Variants in MEGF10 observed in about 807,000 individuals in gnomAD.
The protein encoded by MEGF10 is multiple EGF like domains 10, also known as multiple epidermal growth factor-like domains protein 10.
A neutral mutation model predicts 147.5 loss-of-function variants in MEGF10; 86 were observed. The ratio of observed to expected loss-of-function variants is 0.58; its 90% CI spans 0.49 to 0.70. MEGF10 has a LOEUF of 0.70. MEGF10 is among the 30% of genes least tolerant of loss of function. The pLI is 0.00. For synonymous variants in MEGF10, 478 were observed against 525.5 expected, an observed-to-expected ratio of 0.91 and a Z score of 1.24; for missense variants, 1,329 against 1,487.3, an observed-to-expected ratio of 0.89 and a Z score of 1.75.
chr5:127,283,308 G>A, the MEGF10 span, among the ~76,000 whole-genome samples: 2 of 152,150 alleles, frequency 1.3e-5, no homozygotes, highest in South Asian at 2.1e-4. Context: ...ATTCCAAATT[G>A]TAATAGATGT....
chr5:127,371,932 T>C (rs1341715749), intron 5 of MEGF10, among the ~76,000 whole-genome samples: 1 of 152,214 alleles, frequency 6.6e-6, no homozygotes, highest in Admixed American at 6.5e-5. Flanking sequence ...AAAACATCTT[T>C]GATACCTTTT....
At chr5:127,359,059 T>G (rs1040315671) in intron 4 of MEGF10, among the ~76,000 whole-genome samples, 3 of 120,392 alleles carry the variant, frequency 2.5e-5, no homozygotes, top group African/African-American at 3.9e-5. Context: ...AGCTGTTTTG[T>G]TTTTTTTTTT....
At chr5:127,450,234 A>T (rs892927037) in intron 22 of MEGF10, among the ~76,000 whole-genome samples, 4 of 152,250 alleles carry the variant, frequency 2.6e-5, no homozygotes, top group Admixed American at 6.5e-5. Flanking sequence ...ATAGTTTTGC[A>T]GCTGGGCACA....
chr5:127,452,935 G>A (rs1766211409), intron 22 of MEGF10, among the ~76,000 whole-genome samples: 1 of 152,164 alleles, frequency 6.6e-6, no homozygotes, highest in African/African-American at 2.4e-5. Flanking sequence ...AAGAGAGTGT[G>A]CCTGAGAGAG....
At chr5:127,240,314 A>G in the MEGF10 span, among the ~76,000 whole-genome samples, 17 of 152,180 alleles carry the variant, frequency 1.1e-4, no homozygotes, top group Middle Eastern at 3.2e-3. Context: ...TAGCAGGTCC[A>G]TTTCTCTGGT....
rs1170869878 is a variant in MEGF10, at chr5:127,346,424, A to G, written c.319+5794A>G. 2.0e-5 allele frequency among the ~76,000 whole-genome samples: 3 copies of G among 152,226 alleles called. No individual in the cohort carries two copies. In the East Asian group the frequency reaches 5.8e-4, roughly 29 times the overall value. On this transcript the variant is annotated intron_variant, in intron 4 of 24. Transcript: ENST00000503335. The stretch of plus-strand genomic sequence containing the variant: ...TCTTGCAGGAGTAAGGCGGTATCAT[A>G]TTATGGTTTTGATTTGCATTTCCCT...
chr5:127,396,483 T>G (rs746416244), intron 5 of MEGF10, 49 bp from the exon 6 acceptor site: 4 of 1,477,064 alleles, frequency 2.7e-6, no homozygotes, highest in Non-Finnish European at 3.6e-6. Context: ...CGAAGAAATC[T>G]GGTTCTCCCT....
intron 1 of MEGF10, among the ~76,000 whole-genome samples, chr5:127,312,249 C>T (rs1422316): frequency 0.54 from 81,508 of 151,916 alleles, 23,074 homozygotes; most frequent in Middle Eastern, 0.65. Context: ...AAAGTGCCTT[C>T]GGCTGGCACA....
chr5:127,261,581 T>C, the MEGF10 span, among the ~76,000 whole-genome samples: 2 of 152,216 alleles, frequency 1.3e-5, no homozygotes, highest in Admixed American at 6.5e-5. Context: ...ACCATTTGTG[T>C]ACAAGGTTTT....
chr5:127,312,869 A>G (rs1206881202), intron 1 of MEGF10, among the ~76,000 whole-genome samples: 1 of 152,208 alleles, frequency 6.6e-6, no homozygotes, highest in East Asian at 1.9e-4. Context: ...AAACCATGGT[A>G]AATTACCATA....
the MEGF10 span, among the ~76,000 whole-genome samples, chr5:127,232,310 A>G: frequency 6.6e-6 from 1 of 152,230 alleles, no homozygotes; most frequent in Non-Finnish European, 1.5e-5. Flanking sequence ...CTTTCTCTCC[A>G]ACGAAATTAT....
rs141435716 is a variant in MEGF10 at position 127,422,414 on chromosome 5, G to A, written c.1591-256G>A. ...CAGGTGCCTATAGTCCCAGCTACTC[G>A]GGAGGCTGAGAATTCCTTCAACCCG... is the stretch of plus-strand genomic sequence containing the variant. On this transcript the variant is annotated intron_variant, in intron 12 of 24. Coordinates refer to ENST00000503335, the MANE Select transcript of MEGF10 (RefSeq NM_001256545.2). Among the ~76,000 whole-genome samples the A allele has an allele frequency of 2.4e-3, 364 of 151,606 alleles. 3 individuals are homozygous for A. The highest frequency in any genetic ancestry group is 0.014 in the Middle Eastern group (4 of 288).
the MEGF10 span, among the ~76,000 whole-genome samples, chr5:127,283,197 G>T: frequency 6.6e-6 from 1 of 152,072 alleles, no homozygotes; most frequent in Non-Finnish European, 1.5e-5. Flanking sequence ...TATTCCCCCT[G>T]ATACTTACAT....
the MEGF10 span, among the ~76,000 whole-genome samples, chr5:127,259,682 T>G: frequency 6.6e-6 from 1 of 152,144 alleles, no homozygotes; most frequent in East Asian, 1.9e-4. Flanking sequence ...GGGGTAACTT[T>G]TGGATGATGT....
At chr5:127,298,128 T>G (rs1381774018) in intron 1 of MEGF10, among the ~76,000 whole-genome samples, 2 of 152,198 alleles carry the variant, frequency 1.3e-5, no homozygotes, top group African/African-American at 4.8e-5. Context: ...TAGAACTAAA[T>G]GTTAAACATC....
intron 1 of MEGF10, among the ~76,000 whole-genome samples, chr5:127,309,252 C>T (rs968101018): frequency 2.0e-5 from 3 of 152,210 alleles, no homozygotes; most frequent in Admixed American, 1.3e-4. Flanking sequence ...TTAATACTAG[C>T]TTGCTTTTAG....
intron 19 of MEGF10, 134 bp downstream of exon 19, chr5:127,443,260 A>G (rs1050388597): frequency 1.0e-6 from 1 of 954,158 alleles, no homozygotes; most frequent in Non-Finnish European, 1.4e-6. Flanking sequence ...TTGGTTACTT[A>G]TTTAATTGCC....
Position 127,432,766 on chromosome 5 carries a change from G to A in MEGF10, c.1694-597G>A, listed in dbSNP as rs1580863920. 2.6e-5 allele frequency among the ~76,000 whole-genome samples: 4 copies of A among 152,234 alleles called. No homozygotes were observed. In the South Asian group the frequency reaches 8.3e-4, roughly 32 times the overall value. ...ATAATAATCGATAGCATAGACAACA[G>A]CTACAAATAATGTCAGTTGTGATAT... On this transcript the variant is annotated intron_variant, in intron 13 of 24. Coordinates refer to ENST00000503335, the MANE Select transcript of MEGF10 (RefSeq NM_001256545.2).
At chr5:127,411,796 A>G (rs955247723) in intron 9 of MEGF10, among the ~76,000 whole-genome samples, 6 of 152,236 alleles carry the variant, frequency 3.9e-5, no homozygotes, top group Admixed American at 3.9e-4. Flanking sequence ...AGGAGCTGGC[A>G]GGATTAGGGA....
Sources: allele counts gnomAD v4.1 joint callset (sites outside exome capture counted in the v4.1 genomes callset), GRCh38; gene constraint gnomAD v4.1.1; transcripts MANE v1.5; gene names NCBI Gene and HGNC (gene_info 2026-07-23, HGNC 2026-07-21).